CERS6: variants seen among roughly 807,000 people sequenced by gnomAD.
CERS6 encodes the protein ceramide synthase 6.
In CERS6, 26 loss-of-function variants were observed where a neutral mutation model predicts 56.8. The observed-to-expected ratio is 0.46, with a 90% confidence interval of 0.34 to 0.63. CERS6 has a LOEUF of 0.63. CERS6 is among the 30% of genes least tolerant of loss of function. CERS6 has a pLI of 0.01. For synonymous variants in CERS6, 164 were observed against 173.3 expected, an observed-to-expected ratio of 0.95 and a Z score of 0.42; for missense variants, 415 against 467.5, an observed-to-expected ratio of 0.89 and a Z score of 1.04.
At chr2:168,747,731 A>G (rs1236048222) in intron 8 of CERS6, among the ~76,000 whole-genome samples, 2 of 152,122 alleles carry the variant, frequency 1.3e-5, no homozygotes, top group Admixed American at 6.5e-5. Flanking sequence ...ACATTTTCAA[A>G]CCCACAGAAA....
chr2:168,473,014 A>G (rs1694005477), intron 1 of CERS6, among the ~76,000 whole-genome samples: 1 of 152,154 alleles, frequency 6.6e-6, no homozygotes, highest in African/African-American at 2.4e-5. Context: ...GCTCACCTTA[A>G]AAACGTATCT....
intron 3 of CERS6, among the ~76,000 whole-genome samples, chr2:168,625,899 G>C (rs557790469): frequency 6.6e-6 from 1 of 152,270 alleles, no homozygotes; most frequent in African/African-American, 2.4e-5. Flanking sequence ...TCATTCATCA[G>C]GGTAGAGACA....
At chr2:168,726,282 G>A (rs1337843759) in intron 8 of CERS6, among the ~76,000 whole-genome samples, 4 of 152,094 alleles carry the variant, frequency 2.6e-5, no homozygotes, top group Non-Finnish European at 4.4e-5. Context: ...CCTAATATCA[G>A]TTCAATTCAA....
chr2:168,691,334 G>T (rs1239752405), intron 5 of CERS6, among the ~76,000 whole-genome samples: 1 of 152,162 alleles, frequency 6.6e-6, no homozygotes, highest in African/African-American at 2.4e-5. Flanking sequence ...AAGGGAATAG[G>T]ATCAATTAGT....
chr2:168,576,342 C>T (rs1233143630), intron 3 of CERS6, among the ~76,000 whole-genome samples: 2 of 152,098 alleles, frequency 1.3e-5, no homozygotes, highest in African/African-American at 4.8e-5. Flanking sequence ...GAACCCAGCA[C>T]CTAGGACTGA....
At chr2:168,757,880 G>T (rs377256133) in intron 8 of CERS6, among the ~76,000 whole-genome samples, 1 of 152,312 alleles carries the variant, frequency 6.6e-6, no homozygotes, top group South Asian at 2.1e-4. Context: ...TACAGCCGGG[G>T]TGCAGTCTTG....
intron 1 of CERS6, among the ~76,000 whole-genome samples, chr2:168,503,110 A>T (rs995597383): frequency 6.6e-6 from 1 of 151,898 alleles, no homozygotes; most frequent in Non-Finnish European, 1.5e-5. Context: ...ATGAGATCTG[A>T]TGGTTTTATA....
intron 4 of CERS6, among the ~76,000 whole-genome samples, chr2:168,659,609 A>G (rs937494980): frequency 6.6e-6 from 1 of 152,172 alleles, no homozygotes; most frequent in Non-Finnish European, 1.5e-5. Context: ...TCCAGTGTTA[A>G]CACTCCACAT....
chr2:168,496,122 C>T (rs907255827), intron 1 of CERS6, among the ~76,000 whole-genome samples: 70 of 152,192 alleles, frequency 4.6e-4, no homozygotes, highest in Admixed American at 8.5e-4. Context: ...TGTTGGTGCA[C>T]ACAGACATGT....
In CERS6 at chr2:168,769,978, C is replaced by G; in HGVS notation, c.*316C>G. 1 of 295,742 alleles carries G rather than the reference C, an allele frequency of 3.4e-6. No homozygotes were observed. The highest frequency in any genetic ancestry group is 6.3e-6 in the Non-Finnish European group (1 of 159,334). 18.3% of individuals were successfully genotyped at this position (295,742 alleles called of 1,614,324 possible). A position where few individuals can be genotyped will look rare whatever the true frequency, so the allele number is the denominator to read the frequency against. ...AGGGTTTCCTCACTCCTTTTACTCA[C>G]TGGGCTCATGACAGTGAAGGAGATG... On this transcript the variant is annotated 3_prime_UTR_variant, in exon 10 of 10. Transcript: ENST00000305747.
chr2:168,613,549 G>T (rs1337321186), intron 3 of CERS6, among the ~76,000 whole-genome samples: 7 of 152,144 alleles, frequency 4.6e-5, no homozygotes, highest in African/African-American at 1.4e-4. Flanking sequence ...ATTAATATAG[G>T]ACTTGGACTC....
intron 1 of CERS6, among the ~76,000 whole-genome samples, chr2:168,506,193 A>G (rs1269124311): frequency 6.6e-6 from 1 of 152,198 alleles, no homozygotes; most frequent in Admixed American, 6.5e-5. Context: ...AAGCAAATTG[A>G]AACGCTTGGC....
At chr2:168,511,217 T>C (rs1273006861) in intron 1 of CERS6, among the ~76,000 whole-genome samples, 1 of 152,230 alleles carries the variant, frequency 6.6e-6, no homozygotes, top group East Asian at 1.9e-4. Context: ...TCTCCTTTCA[T>C]GATTTAATTC....
intron 4 of CERS6, among the ~76,000 whole-genome samples, chr2:168,683,653 T>C (rs1665837926): frequency 6.6e-6 from 1 of 152,172 alleles, no homozygotes; most frequent in Admixed American, 6.6e-5. Context: ...GTCATTCATC[T>C]TTTCTTTTCT....
intron 1 of CERS6, among the ~76,000 whole-genome samples, chr2:168,466,357 T>C (rs1693877300): frequency 6.6e-6 from 1 of 152,158 alleles, no homozygotes; most frequent in Non-Finnish European, 1.5e-5. Context: ...ACCAGGATAA[T>C]GAGATAAAAC....
At chr2:168,517,494 A>AAAGT (rs1694903360) in intron 1 of CERS6, among the ~76,000 whole-genome samples, 1 of 149,446 alleles carries the variant, frequency 6.7e-6, no homozygotes, top group African/African-American at 2.5e-5. Flanking sequence ...ACTGCCTCAA[A>AAAGT]AAATAAATAA....
intron 4 of CERS6, among the ~76,000 whole-genome samples, chr2:168,650,474 C>T (rs1040182457): frequency 1.2e-4 from 19 of 152,170 alleles, no homozygotes; most frequent in Admixed American, 8.5e-4. Context: ...CTTTACATTT[C>T]TTTGGCCCTA....
intron 3 of CERS6, among the ~76,000 whole-genome samples, chr2:168,595,981 G>A (rs574686781): frequency 3.3e-5 from 5 of 151,582 alleles, no homozygotes; most frequent in African/African-American, 1.2e-4. Flanking sequence ...AGGCGTGGTG[G>A]CTCACGCCTG....
intron 1 of CERS6, among the ~76,000 whole-genome samples, chr2:168,498,633 T>C (rs1205719275): frequency 6.6e-6 from 1 of 152,218 alleles, no homozygotes; most frequent in Non-Finnish European, 1.5e-5. Flanking sequence ...ATATTACAGT[T>C]AGGCTCTTTA....
Sources: allele counts gnomAD v4.1 joint callset (sites outside exome capture counted in the v4.1 genomes callset), GRCh38; gene constraint gnomAD v4.1.1; transcripts MANE v1.5; gene names NCBI Gene and HGNC (gene_info 2026-07-23, HGNC 2026-07-21).